UGP2: variants seen among roughly 807,000 people sequenced by gnomAD.
The protein encoded by UGP2 is UTP--glucose-1-phosphate uridylyltransferase.
In UGP2, 40 loss-of-function variants were observed where a neutral mutation model predicts 49.0. The observed-to-expected ratio is 0.82, with a 90% confidence interval of 0.63 to 1.06. UGP2 has a LOEUF of 1.06. Ranked by LOEUF, UGP2 falls within the 50% of genes least tolerant of loss-of-function variation. UGP2 has a pLI of 0.00. For synonymous variants in UGP2, 225 were observed against 213.0 expected (o/e 1.06, Z -0.49); for missense variants, 460 against 603.5 (o/e 0.76, Z 2.49).
chr2:63,882,816 A>T (rs1165691429), intron 4 of UGP2, 165 bp downstream of exon 4: 1 of 643,956 alleles, frequency 1.6e-6, no homozygotes, highest in Non-Finnish European at 2.3e-6. Context: ...CTTAAGGGCA[A>T]ATCCTTAAGG....
chr2:63,865,188 C>T (rs886770719), intron 3 of UGP2, among the ~76,000 whole-genome samples: 6 of 152,160 alleles, frequency 3.9e-5, no homozygotes, highest in African/African-American at 9.7e-5. Flanking sequence ...TAAAGACAGT[C>T]ACTCCCCTCA....
chr2:63,845,373 C>A (rs549204463), intron 1 of UGP2, among the ~76,000 whole-genome samples: 17 of 152,228 alleles, frequency 1.1e-4, no homozygotes, highest in South Asian at 4.1e-4. Flanking sequence ...ACTTTTCTTT[C>A]CTGAAATGAT....
intron 2 of UGP2, 106 bp downstream of exon 2, chr2:63,856,539 A>G (rs2104278245): frequency 7.5e-7 from 1 of 1,326,644 alleles, no homozygotes; most frequent in Non-Finnish European, 1.0e-6. Context: ...AATCAGCACA[A>G]GATGTACGAT....
At position 63,862,697 on chromosome 2, in the gene UGP2, A is replaced by G. The variant is rs1669932167; in HGVS notation, c.255+4761A>G. 7.4e-6 allele frequency: 3 copies of G among 407,804 alleles called. No individual in the cohort carries two copies. The Admixed American group carries it at 8.2e-5, about 11-fold the overall frequency. The allele number at this position is 407,804 out of a possible 1,614,324, so 25.3% of individuals were successfully genotyped here. On this transcript the variant is annotated intron_variant, in intron 3 of 9. Coordinates refer to ENST00000337130, the MANE Select transcript of UGP2 (RefSeq NM_006759.4). ...AGTCCAGTCCCACAGAATTGAATTC[A>G]TTAGGAAAATCAGAGTGTGGGTTTA...
chr2:63,886,552 G>T lies in UGP2; in HGVS notation c.1071+14G>T, dbSNP rs72808236. On this transcript the variant is annotated intron_variant, in intron 7 of 9. Coordinates refer to ENST00000337130, the MANE Select transcript of UGP2 (RefSeq NM_006759.4). ...GTGAATGCAAAGGTAAGCCAAGGTTGTGGCCCATTGAGCTTCCTGGTTCCT... is the reference window on the plus strand; with the variant it reads ...GTGAATGCAAAGGTAAGCCAAGGTTTTGGCCCATTGAGCTTCCTGGTTCCT... 25,727 of 1,613,434 alleles carry T rather than the reference G, an allele frequency of 0.016. 677 individuals carry two copies. The highest frequency in any genetic ancestry group is 0.085 in the Admixed American group (5,124 of 59,942).
intron 3 of UGP2, 30 bp downstream of exon 3, chr2:63,857,966 T>G: frequency 6.2e-7 from 1 of 1,604,304 alleles, no homozygotes; most frequent in South Asian, 1.1e-5. Context: ...TAGGAAAATG[T>G]AGGGTAATCT....
intron 3 of UGP2, among the ~76,000 whole-genome samples, chr2:63,867,880 T>C (rs1558947796): frequency 6.6e-6 from 1 of 152,240 alleles, no homozygotes; most frequent in Non-Finnish European, 1.5e-5. Flanking sequence ...ATTTTTGTTA[T>C]TGCAAAGATA....
intron 3 of UGP2, among the ~76,000 whole-genome samples, chr2:63,870,415 G>A (rs1670473308): frequency 6.6e-6 from 1 of 152,138 alleles, no homozygotes; most frequent in Admixed American, 6.5e-5. Context: ...TAGGGGGATT[G>A]CTTTGTAATT....
In UGP2 at chr2:63,873,870, A is replaced by C. The variant is rs978752869; in HGVS notation, c.256-8596A>C. Among the ~76,000 whole-genome samples the C allele has an allele frequency of 2.6e-5, 4 of 152,294 alleles. No individual in the cohort carries two copies. The East Asian group carries it at 5.8e-4, about 22-fold the overall frequency. On this transcript the variant is annotated intron_variant, in intron 3 of 9. Coordinates refer to ENST00000337130, the MANE Select transcript of UGP2 (RefSeq NM_006759.4). ...AGAGGCAATCCAGAGTTAGTAAGAC[A>C]ATTATGTGGTAATCAGAAACTTGGG...
At chr2:63,865,521 T>C (rs1044678156) in intron 3 of UGP2, among the ~76,000 whole-genome samples, 2 of 147,826 alleles carry the variant, frequency 1.4e-5, no homozygotes, top group Non-Finnish European at 3.0e-5. Context: ...ATTCTCAGAA[T>C]GCTTGGGTCT....
intron 1 of UGP2, chr2:63,855,446 C>A: frequency 2.1e-6 from 1 of 471,956 alleles, no homozygotes; most frequent in South Asian, 1.5e-5. Context: ...TGATTACTTT[C>A]TAGATAAAGT....
intron 3 of UGP2, among the ~76,000 whole-genome samples, chr2:63,868,773 G>A (rs990793083): frequency 2.6e-5 from 4 of 152,024 alleles, no homozygotes; most frequent in Admixed American, 6.6e-5. Context: ...GAGGTCAGGA[G>A]TTCGAGACTA....
At chr2:63,882,297 G>A (rs924147907) in intron 3 of UGP2, among the ~76,000 whole-genome samples, 169 bp from the exon 4 acceptor site, 2 of 152,150 alleles carry the variant, frequency 1.3e-5, no homozygotes, top group African/African-American at 2.4e-5. Flanking sequence ...GCCTGTTAAA[G>A]TACTTGATTT....
intron 3 of UGP2, among the ~76,000 whole-genome samples, chr2:63,872,002 G>A (rs1184343047): frequency 6.6e-6 from 1 of 152,198 alleles, no homozygotes; most frequent in African/African-American, 2.4e-5. Flanking sequence ...TTCAGCCATG[G>A]TAGCATGAAA....
At chr2:63,875,800 G>GT (rs1187705840) in intron 3 of UGP2, among the ~76,000 whole-genome samples, 3 of 152,164 alleles carry the variant, frequency 2.0e-5, no homozygotes, top group Admixed American at 2.0e-4. Context: ...TTTCCCTCCT[G>GT]TCTGTTTAGT....
In UGP2 at chr2:63,887,644, G is replaced by C; in HGVS notation, c.1314G>C (p.Lys438Asn). 1.2e-6 allele frequency: 2 copies of C among 1,613,712 alleles called. No individual in the cohort carries two copies. Among genetic ancestry groups the C allele is most frequent in the Non-Finnish European group, 1.7e-6 (2 of 1,179,816 alleles). ...TTAAATTAGGCAGTTCTTTTACGAA[G>C]GTACGTAACTATAAAGATATGTGAG... ...PLVKLGSSFT[K>N]VQDYLRRFES... The change falls in exon 8 of 10, where the codon AAG becomes AAC. Residue 438 changes from lysine (K) to asparagine (N), a missense_variant and splice_region_variant. This residue lies in a region of UGP2 where 317 missense variants were observed against 473.0 expected (regional missense o/e 0.67). Coordinates refer to ENST00000337130, the MANE Select transcript of UGP2 (RefSeq NM_006759.4).
chr2:63,858,436 G>T (rs1309639868), intron 3 of UGP2, among the ~76,000 whole-genome samples: 1 of 151,778 alleles, frequency 6.6e-6, no homozygotes, highest in Admixed American at 6.6e-5. Flanking sequence ...TATATATATA[G>T]TTCCTAGTTA....
Position 63,886,555 on chromosome 2 carries a change from G to T in UGP2, c.1071+17G>T. ...AATGCAAAGGTAAGCCAAGGTTGTG[G>T]CCCATTGAGCTTCCTGGTTCCTAAG... is the stretch of plus-strand genomic sequence containing the variant. On this transcript the variant is annotated intron_variant, in intron 7 of 9. Coordinates refer to ENST00000337130, the MANE Select transcript of UGP2 (RefSeq NM_006759.4). 1 of 1,613,148 alleles carries T rather than the reference G, an allele frequency of 6.2e-7. No individual in the cohort carries two copies.
chr2:63,842,660 T>G (rs748568560), intron 1 of UGP2: 7 of 1,381,628 alleles, frequency 5.1e-6, no homozygotes, highest in South Asian at 1.7e-5. Flanking sequence ...TTCGTTTGTG[T>G]GTACGTGGTT....
Sources: gnomAD v4.1 joint callset for allele counts (sites outside exome capture counted in the v4.1 genomes callset) on GRCh38, gnomAD v4.1.1 for gene constraint, gnomAD v4.1.1 regional missense constraint, MANE v1.5 for transcripts, NCBI Gene and HGNC (gene_info 2026-07-23, HGNC 2026-07-21) for gene names.